The following PCDHGB3 variants were observed in gnomAD, a reference collection of about 807,000 sequenced individuals.
PCDHGB3 encodes the protein protocadherin gamma subfamily B, 3.
Under a neutral mutation model 59.2 loss-of-function variants are expected in PCDHGB3, and 40 were observed. That is an observed-to-expected ratio of 0.68 (90% CI 0.52 to 0.88). The LOEUF (loss-of-function observed/expected upper bound fraction) is 0.88. PCDHGB3 is among the 40% of genes least tolerant of loss of function. The pLI is 0.00. For synonymous variants in PCDHGB3, 581 were observed against 503.6 expected, an observed-to-expected ratio of 1.15 and a Z score of -2.06; for missense variants, 1,309 against 1,187.9, an observed-to-expected ratio of 1.10 and a Z score of -1.50.
intron 1 of PCDHGB3, 135 bp downstream of exon 1, chr5:141,372,944 T>C: frequency 5.1e-6 from 4 of 788,876 alleles, no homozygotes; most frequent in Non-Finnish European, 7.7e-6. Context: ...GTAGGGTGTC[T>C]AGGAAATTCT....
rs1596259997 is a variant in PCDHGB3, at chr5:141,509,990, A to G, written c.2564-957A>G. Among the ~76,000 whole-genome samples the G allele has an allele frequency of 2.6e-5, 4 of 152,266 alleles. No individual in the cohort carries two copies. The South Asian group carries it at 8.3e-4, about 32-fold the overall frequency. ...GGTCCTTCTAACACTTGGTTCCCTC[A>G]TCTGTAAAATGAGGGTCATACCACA... is the stretch of plus-strand genomic sequence containing the variant. On this transcript the variant is annotated intron_variant, in intron 3 of 3. Transcript: ENST00000576222.
chr5:141,475,978 G>C, intron 1 of PCDHGB3: 1 of 1,010,712 alleles, frequency 9.9e-7, no homozygotes, highest in Non-Finnish European at 1.4e-6. Context: ...AGACTGAACA[G>C]CCGGCGAGCA....
chr5:141,422,298 T>G, intron 1 of PCDHGB3: 1 of 1,549,054 alleles, frequency 6.5e-7, no homozygotes, highest in Non-Finnish European at 8.7e-7. Flanking sequence ...TTAATTCAAT[T>G]CTGGAAAACT....
chr5:141,404,995 T>G (rs1561697585), intron 1 of PCDHGB3: 1 of 1,614,008 alleles, frequency 6.2e-7, no homozygotes, highest in Non-Finnish European at 8.5e-7. Flanking sequence ...TTCAGATCCC[T>G]GCAGACCTGG....
At chr5:141,461,328 A>G (rs2154567322) in intron 1 of PCDHGB3, among the ~76,000 whole-genome samples, 1 of 152,282 alleles carries the variant, frequency 6.6e-6, no homozygotes, top group East Asian at 1.9e-4. Flanking sequence ...AATAATGGCC[A>G]TTCTTGCAGG....
At chr5:141,408,882 A>G (rs1561715935) in intron 1 of PCDHGB3, 1 of 1,613,404 alleles carries the variant, frequency 6.2e-7, no homozygotes, top group Admixed American at 1.7e-5. Context: ...GCCACCGCTC[A>G]CATAGAAATT....
intron 1 of PCDHGB3, chr5:141,419,317 T>G: frequency 1.2e-6 from 2 of 1,613,952 alleles, no homozygotes; most frequent in Non-Finnish European, 1.7e-6. Context: ...TCAACGGCCG[T>G]GTCTCCTACT....
At chr5:141,483,076 C>A (rs964178941) in intron 1 of PCDHGB3, among the ~76,000 whole-genome samples, 8 of 152,044 alleles carry the variant, frequency 5.3e-5, no homozygotes, top group Non-Finnish European at 8.8e-5. Context: ...CAGAGAGAGA[C>A]TCCATCTCAA....
chr5:141,399,405 G>A (rs768053678), intron 1 of PCDHGB3: 1 of 1,613,974 alleles, frequency 6.2e-7, no homozygotes, highest in Admixed American at 1.7e-5. Flanking sequence ...GGGGCAAGCC[G>A]CCCCTCTCCT....
At chr5:141,418,742 G>GA in intron 1 of PCDHGB3, 1 of 1,613,896 alleles carries the variant, frequency 6.2e-7, no homozygotes, top group Non-Finnish European at 8.5e-7. Flanking sequence ...GTTCTCTCTG[G>GA]ATTACACTAC....
chr5:141,388,237 A>G, intron 1 of PCDHGB3: 3 of 1,607,818 alleles, frequency 1.9e-6, no homozygotes, highest in Non-Finnish European at 2.6e-6. Context: ...AACTTTTATC[A>G]CGTGAATGTG....
At chr5:141,479,120 A>T (rs1278879959) in intron 1 of PCDHGB3, among the ~76,000 whole-genome samples, 1 of 152,232 alleles carries the variant, frequency 6.6e-6, no homozygotes, top group Non-Finnish European at 1.5e-5. Context: ...TTCTACTGGA[A>T]ATGATGTGCA....
Position 141,370,354 on chromosome 5 carries a change from C to T in PCDHGB3, c.-41C>T, listed in dbSNP as rs745912783. 21 of 1,505,704 alleles carry T rather than the reference C, an allele frequency of 1.4e-5. No homozygotes were observed. The highest frequency in any genetic ancestry group is 1.9e-5 in the Non-Finnish European group (21 of 1,124,646). 93.3% of individuals were successfully genotyped at this position (1,505,704 alleles called of 1,614,324 possible). A position where few individuals can be genotyped will look rare whatever the true frequency, so the allele number is the denominator to read the frequency against. ...AACTCTTGGGATTATTTAAAGATCT[C>T]CTCTCCTCGGATTTAGAAAGGCAAA... On this transcript the variant is annotated 5_prime_UTR_variant, in exon 1 of 4. Transcript: ENST00000576222.
intron 1 of PCDHGB3, chr5:141,376,336 G>A (rs1433665161): frequency 1.2e-6 from 2 of 1,614,080 alleles, no homozygotes; most frequent in African/African-American, 2.7e-5. Flanking sequence ...CTTTCCTGCA[G>A]ACCTATTCCC....
intron 1 of PCDHGB3, chr5:141,471,461 T>C (rs1409374601): frequency 6.6e-6 from 1 of 152,194 alleles, no homozygotes; most frequent in Non-Finnish European, 1.5e-5. Flanking sequence ...GAAAGATTAC[T>C]CAGGTCTCTG....
At chr5:141,484,750 GTA>G (rs545232987) in intron 1 of PCDHGB3, among the ~76,000 whole-genome samples, 18 of 149,824 alleles carry the variant, frequency 1.2e-4, no homozygotes, top group Admixed American at 4.7e-4. Flanking sequence ...GAAAAAAAAT[GTA>G]TATATATATA....
chr5:141,468,790 C>T (rs1215557602), intron 1 of PCDHGB3, among the ~76,000 whole-genome samples: 10 of 151,564 alleles, frequency 6.6e-5, no homozygotes, highest in African/African-American at 2.2e-4. Context: ...GGCGTGAACC[C>T]GGGAGGCGGA....
intron 1 of PCDHGB3, among the ~76,000 whole-genome samples, chr5:141,438,764 C>A (rs963627140): frequency 6.7e-6 from 1 of 148,638 alleles, no homozygotes; most frequent in Non-Finnish European, 1.5e-5. Flanking sequence ...TGGGTTCAAG[C>A]GATTCTCCTG....
In PCDHGB3 at chr5:141,476,016, G is replaced by C; in HGVS notation, c.2416-18791G>C. On this transcript the variant is annotated intron_variant, in intron 1 of 3. Transcript: ENST00000576222. This position sits in a 1 kb window ranked among gnomAD's most constrained non-coding sequence, Gnocchi z 7.6. ...TCAACGGCATCCAGAAAGCCATGTC[G>C]GACTCGGCGCCCAGCGCCCAAGCGC... 1 of 1,359,386 alleles carries C rather than the reference G, an allele frequency of 7.4e-7. No homozygotes were observed. The highest frequency in any genetic ancestry group is 2.3e-5 in the East Asian group (1 of 43,300). 84.2% of individuals were successfully genotyped at this position (1,359,386 alleles called of 1,614,324 possible).
Sources: gnomAD v4.1 joint callset for allele counts (sites outside exome capture counted in the v4.1 genomes callset) on GRCh38, gnomAD v4.1.1 for gene constraint, Gnocchi (gnomAD v3.1) non-coding constraint, MANE v1.5 for transcripts, NCBI Gene and HGNC (gene_info 2026-07-23, HGNC 2026-07-21) for gene names.